RNF123: variants seen among roughly 807,000 people sequenced by gnomAD.
The protein encoded by RNF123 is E3 ubiquitin-protein ligase RNF123.
Under a neutral mutation model 168.5 loss-of-function variants are expected in RNF123, and 86 were observed. The observed-to-expected ratio is 0.51, with a 90% CI of 0.43 to 0.61. RNF123 has a LOEUF of 0.61. RNF123 is among the 20% of genes least tolerant of loss of function. RNF123 has a pLI of 0.00. For synonymous variants in RNF123, 666 were observed against 689.1 expected, an observed-to-expected ratio of 0.97 and a Z score of 0.52; for missense variants, 1,419 against 1,729.7, an observed-to-expected ratio of 0.82 and a Z score of 3.19.
In RNF123 at chr3:49,699,363, C is replaced by T; in HGVS notation, c.765-105C>T. The T allele has an allele frequency of 9.2e-7, 1 of 1,083,816 alleles. No homozygotes were observed. Among genetic ancestry groups the T allele is most frequent in the Non-Finnish European group, 1.3e-6 (1 of 743,132 alleles). The allele number at this position is 1,083,816 out of a possible 1,614,324, so 67.1% of individuals were successfully genotyped here. A position where few individuals can be genotyped will look rare whatever the true frequency, so the allele number is the denominator to read the frequency against. On this transcript the variant is annotated intron_variant, in intron 10 of 38. Coordinates refer to ENST00000327697, the MANE Select transcript of RNF123 (RefSeq NM_022064.5). This position sits in a 1 kb window ranked among gnomAD's most constrained non-coding sequence, Gnocchi z 4.8. ...ATAAGTGGGCAAGTTGTGATGCAAACCAGCCCTGCCCTAGAGCCCAGGCCC... is the reference window on the plus strand; with the variant it reads ...ATAAGTGGGCAAGTTGTGATGCAAATCAGCCCTGCCCTAGAGCCCAGGCCC...
At chr3:49,702,033 G>A (rs1458761572) in intron 17 of RNF123, 50 bp from the exon 18 acceptor site, 1 of 1,597,180 alleles carries the variant, frequency 6.3e-7, no homozygotes, top group Non-Finnish European at 8.6e-7. Context: ...GCCCAAACCT[G>A]CCCCCCATCT....
Position 49,702,402 on chromosome 3 carries a change from G to A in RNF123, c.1626G>A (p.Arg542=), listed in dbSNP as rs774225553. The part of the protein sequence containing the change: ...RKFLQENASG[R]GNMPMLCPPE... ...TTCTGCAGGAGAACGCCAGTGGCCG[G>A]GGGGTAGGTGTCCTCCAGGCCAGCC... is the stretch of plus-strand genomic sequence containing the variant. Residue 542 remains arginine (R), a synonymous_variant, in exon 19 of 39, where the codon CGG becomes CGA. Transcript: ENST00000327697. The A allele has an allele frequency of 7.4e-6, 12 of 1,614,028 alleles. No individual in the cohort carries two copies. The highest frequency in any genetic ancestry group is 1.3e-5 in the African/African-American group (1 of 74,922).
chr3:49,718,769 G>T, intron 35 of RNF123: 1 of 1,613,276 alleles, frequency 6.2e-7, no homozygotes. Flanking sequence ...TGGTGCCAGC[G>T]CTGTAGCAGG....
chr3:49,708,355 G>A (rs532636142), intron 26 of RNF123, among the ~76,000 whole-genome samples: 18 of 152,274 alleles, frequency 1.2e-4, no homozygotes, highest in Admixed American at 4.6e-4. Context: ...CTGATACTCC[G>A]TGCCTGTTGA....
chr3:49,704,960 C>A (rs1234903460), intron 22 of RNF123, 24 bp from the exon 23 acceptor site: 1 of 1,580,454 alleles, frequency 6.3e-7, no homozygotes. Context: ...CAGCCCTGGT[C>A]CTGGCCGCCT....
rs201567126 is a variant in RNF123, at chr3:49,702,040, A to T, written c.1496-43A>T. 3.3e-3 allele frequency: 5,373 copies of T among 1,603,956 alleles called. 19 individuals are homozygous for T. The highest frequency in any genetic ancestry group is 4.3e-3 in the Non-Finnish European group (4,990 of 1,173,458). On this transcript the variant is annotated intron_variant, in intron 17 of 38. Transcript: ENST00000327697. ...GAGCCCTGGCCCAAACCTGCCCCCC[A>T]TCTCCTGGAGCCTGAGGGCCATGTT...
rs949377147 is a variant in RNF123 at position 49,699,973 on chromosome 3, T to C, written c.984+201T>C. On this transcript the variant is annotated intron_variant, in intron 12 of 38. Coordinates refer to ENST00000327697, the MANE Select transcript of RNF123 (RefSeq NM_022064.5). This position sits in a 1 kb window ranked among gnomAD's most constrained non-coding sequence, Gnocchi z 4.8. Reference sequence around the variant, plus strand: ...ATTGCCAACCAAGGGCATCAGGGGATGTCCTGGAAAGAAGACTGAAGGATA... The same window carrying C: ...ATTGCCAACCAAGGGCATCAGGGGACGTCCTGGAAAGAAGACTGAAGGATA... 38 of 682,038 alleles carry C rather than the reference T, an allele frequency of 5.6e-5. No homozygotes were observed. The highest frequency in any genetic ancestry group is 8.2e-4 in the Middle Eastern group (2 of 2,432). 42.2% of individuals were successfully genotyped at this position (682,038 alleles called of 1,614,324 possible).
Position 49,702,115 on chromosome 3 carries a change from C to G in RNF123, c.1528C>G (p.Leu510Val). 1 of 1,614,144 alleles carries G rather than the reference C, an allele frequency of 6.2e-7. No homozygotes were observed. The highest frequency in any genetic ancestry group is 1.3e-5 in the African/African-American group (1 of 75,038). The change falls in exon 18 of 39, where the codon CTG (leucine) becomes GTG (valine). Residue 510 changes from leucine to valine, a missense_variant. Physicochemically the swap from Leu to Val is conservative, Grantham distance 32. This residue lies in a region of RNF123 where 349 missense variants were observed against 344.9 expected (regional missense o/e 1.01). Transcript: ENST00000327697. The stretch of plus-strand genomic sequence containing the variant: ...AGAACTACAGGTCCAGATCCTGAAG[C>G]TGCTGCTGGACAATAAAGATGACAA... ...VEELQVQILK[L>V]LLDNKDDNGG... is the part of the protein sequence containing the mutation.
chr3:49,718,067 G>A, intron 35 of RNF123: 1 of 1,613,614 alleles, frequency 6.2e-7, no homozygotes, highest in Non-Finnish European at 8.5e-7. Flanking sequence ...AGCTGCACGC[G>A]GCCATTGAGG....
At chr3:49,720,998 C>T (rs771149753) in intron 37 of RNF123, 22 bp from the exon 38 acceptor site, 8 of 1,609,464 alleles carry the variant, frequency 5.0e-6, no homozygotes, top group Middle Eastern at 1.6e-4. Context: ...CTCCAGCCCA[C>T]CCTTCACTCT....
chr3:49,701,218 C>T (rs2054375063), intron 15 of RNF123, among the ~76,000 whole-genome samples: 1 of 152,238 alleles, frequency 6.6e-6, no homozygotes, highest in Non-Finnish European at 1.5e-5. Flanking sequence ...TGAGAAAAGG[C>T]CACCAGTCCC....
At chr3:49,717,448 T>C (rs761366612) in intron 35 of RNF123, 20 of 168,476 alleles carry the variant, frequency 1.2e-4, no homozygotes, top group Admixed American at 2.2e-4. Flanking sequence ...AGAGCCGCCT[T>C]CTTTTCCCTG....
intron 5 of RNF123, 93 bp from the exon 6 acceptor site, chr3:49,697,792 C>T: frequency 6.7e-7 from 1 of 1,492,636 alleles, no homozygotes; most frequent in Non-Finnish European, 9.3e-7. Flanking sequence ...CAAATACCAC[C>T]AGGGCTGGCT....
Position 49,698,033 on chromosome 3 carries a change from C to G in RNF123, c.398-19C>G. 1 of 1,613,886 alleles carries G rather than the reference C, an allele frequency of 6.2e-7. No individual in the cohort carries two copies. The highest frequency in any genetic ancestry group is 1.1e-5 in the South Asian group (1 of 91,074). On this transcript the variant is annotated intron_variant, in intron 6 of 38. Coordinates refer to ENST00000327697, the MANE Select transcript of RNF123 (RefSeq NM_022064.5). ...GGCAGTCTTTGTCCACCTCGTGGCC[C>G]TAACTCAGCTCTTTCCAGGGAAATG...
Position 49,704,681 on chromosome 3 carries a change from C to A in RNF123, c.1884C>A (p.Ile628=). Residue 628 remains isoleucine, a synonymous_variant, in exon 22 of 39, where the codon ATC becomes ATA. Coordinates refer to ENST00000327697, the MANE Select transcript of RNF123 (RefSeq NM_022064.5). ...TTGCTTCCAAAGCCAACATTGTGAT[C>A]GACCCACTGGAGCTCCAGTCAACCG... is the stretch of plus-strand genomic sequence containing the variant. ...DDLASKANIV[I]DPLELQSTAM... is the part of the protein sequence containing the mutation. 7 of 1,609,382 alleles carry A rather than the reference C, an allele frequency of 4.3e-6. No individual in the cohort carries two copies. Among genetic ancestry groups the A allele is most frequent in the Non-Finnish European group, 5.9e-6 (7 of 1,177,910 alleles).
intron 31 of RNF123, among the ~76,000 whole-genome samples, chr3:49,714,748 C>T (rs116834078): frequency 6.6e-6 from 1 of 152,340 alleles, no homozygotes; most frequent in Non-Finnish European, 1.5e-5. Context: ...AAGGACTTTC[C>T]CCTAGGCCTG....
chr3:49,697,352 C>T lies in RNF123; in HGVS notation c.248-11C>T, dbSNP rs747563119. The T allele has an allele frequency of 1.4e-5, 23 of 1,606,332 alleles. No individual in the cohort carries two copies. In the South Asian group the frequency reaches 1.9e-4, roughly 13 times the overall value. ...CTCCACCCTGCCTGACCCCACCTCT[C>T]CTCTTTTCAGGACAGGTTGAAGGGC... is the stretch of plus-strand genomic sequence containing the variant. On this transcript the variant is annotated splice_polypyrimidine_tract_variant and intron_variant, in intron 4 of 38. Transcript: ENST00000327697.
intron 35 of RNF123, chr3:49,719,276 C>T (rs1447394034): frequency 6.2e-7 from 1 of 1,613,424 alleles, no homozygotes; most frequent in South Asian, 1.1e-5. Flanking sequence ...TCGAGGTCCG[C>T]AGTAGCGGCA....
At position 49,716,492 on chromosome 3, in the gene RNF123, C is replaced by G; in HGVS notation, c.3500+15C>G. 6.2e-7 allele frequency: 1 copy of G among 1,610,622 alleles called. No individual in the cohort carries two copies. The highest frequency in any genetic ancestry group is 2.2e-5 in the East Asian group (1 of 44,852). ...CCAGCCTCAGAGTGAGTGTTGGGGACCGTGGGCCCCTGTGGGAGTTGGGTG... is the reference window on the plus strand; with the variant it reads ...CCAGCCTCAGAGTGAGTGTTGGGGAGCGTGGGCCCCTGTGGGAGTTGGGTG... On this transcript the variant is annotated intron_variant, in intron 35 of 38. Coordinates refer to ENST00000327697, the MANE Select transcript of RNF123 (RefSeq NM_022064.5).
Sources: allele counts gnomAD v4.1 joint callset (sites outside exome capture counted in the v4.1 genomes callset), GRCh38; gene constraint gnomAD v4.1.1; regional missense constraint gnomAD v4.1.1; non-coding constraint Gnocchi (gnomAD v3.1); transcripts MANE v1.5; gene names NCBI Gene and HGNC (gene_info 2026-07-23, HGNC 2026-07-21).